The following DHX9 variants were observed in gnomAD, a reference collection of about 807,000 sequenced individuals.
DHX9 encodes ATP-dependent RNA helicase A.
Under a neutral mutation model 148.7 loss-of-function variants are expected in DHX9, and 27 were observed. The ratio of observed to expected loss-of-function variants is 0.18; its 90% CI spans 0.13 to 0.25. DHX9 has a LOEUF of 0.25. Among genes scored for constraint, DHX9 ranks in the 10% least tolerant of loss-of-function variants. DHX9 has a pLI of 1.00. For missense variants in DHX9, 796 were observed against 1,559.6 expected, an observed-to-expected ratio of 0.51 and a Z score of 8.25; for synonymous variants, 529 against 516.6, an observed-to-expected ratio of 1.02 and a Z score of -0.33.
intron 27 of DHX9, among the ~76,000 whole-genome samples, 163 bp from the exon 28 acceptor site, chr1:182,886,920 A>G (rs572886400): frequency 6.6e-6 from 1 of 152,320 alleles, no homozygotes; most frequent in South Asian, 2.1e-4. Flanking sequence ...ACAATTGATG[A>G]CTGTTTTAGA....
chr1:182,884,413 A>T (rs980509065), intron 26 of DHX9, among the ~76,000 whole-genome samples, 200 bp from the exon 27 acceptor site: 1 of 152,150 alleles, frequency 6.6e-6, no homozygotes, highest in African/African-American at 2.4e-5. Flanking sequence ...AGTGAATTTT[A>T]AGAAGCTAGT....
intron 12 of DHX9, among the ~76,000 whole-genome samples, chr1:182,865,742 C>T (rs181211699): frequency 1.3e-3 from 202 of 152,260 alleles, no homozygotes; most frequent in African/African-American, 4.4e-3. Context: ...TATAAATCTT[C>T]GTGTACCTCT....
Position 182,883,373 on chromosome 1 carries a change from G to A in DHX9, c.3144+5G>A. ...TTCTTTGTATTTGGTGAAAAGGTAA[G>A]AAAAGACTAGAAAAGTTTACATTGA... is the stretch of plus-strand genomic sequence containing the variant. On this transcript the variant is annotated splice_donor_5th_base_variant and intron_variant, in intron 25 of 27. Transcript: ENST00000367549. 1.2e-6 allele frequency: 2 copies of A among 1,607,348 alleles called. No homozygotes were observed. Among genetic ancestry groups the A allele is most frequent in the Non-Finnish European group, 1.7e-6 (2 of 1,174,696 alleles).
rs967297798 is a variant in DHX9 at position 182,859,540 on chromosome 1, T to C, written c.1140+423T>C. ...TAGAGATATAAATATACACATTCTTTTTTGAAAAAAACATTTTCATCACTA... is the reference window on the plus strand; with the variant it reads ...TAGAGATATAAATATACACATTCTTCTTTGAAAAAAACATTTTCATCACTA... On this transcript the variant is annotated intron_variant, in intron 11 of 27. Coordinates refer to ENST00000367549, the MANE Select transcript of DHX9 (RefSeq NM_001357.5). 1.2e-4 allele frequency among the ~76,000 whole-genome samples: 18 copies of C among 152,282 alleles called. No homozygotes were observed. In the East Asian group the frequency reaches 2.1e-3, roughly 18 times the overall value.
At chr1:182,875,270 AG>A in intron 16 of DHX9, 1 of 449,754 alleles carries the variant, frequency 2.2e-6, no homozygotes, top group Non-Finnish European at 4.5e-6. Flanking sequence ...AAAGTTTTTC[AG>A]TAGGCTGCAG....
intron 7 of DHX9, among the ~76,000 whole-genome samples, chr1:182,856,861 G>T (rs1181345671): frequency 2.6e-5 from 4 of 152,024 alleles, no homozygotes; most frequent in African/African-American, 9.7e-5. Context: ...AACCTTTTTT[G>T]TTTTTTGAGA....
chr1:182,872,212 C>A, intron 14 of DHX9, 125 bp from the exon 15 acceptor site: 1 of 735,092 alleles, frequency 1.4e-6, no homozygotes, highest in Non-Finnish European at 2.2e-6. Flanking sequence ...TTTATCTTGG[C>A]ACTTCTGTGA....
At chr1:182,840,416 C>G (rs768182344) in intron 1 of DHX9, among the ~76,000 whole-genome samples, 15 of 151,206 alleles carry the variant, frequency 9.9e-5, no homozygotes, top group Admixed American at 2.0e-4. Context: ...TCTCCTGCCT[C>G]AGCCTCCGGA....
At position 182,884,786 on chromosome 1, in the gene DHX9, G is replaced by T; in HGVS notation, c.3434G>T (p.Gly1145Val). ...CAGATCTCTAGACCCTCAGCTGCTG[G>T]TATCAACCTTATGATTGGCAGTACA... ...IRQISRPSAA[G>V]INLMIGSTRY... The change falls in exon 27 of 28, where the codon GGT becomes GTT. Residue 1145 changes from glycine to valine, a missense_variant. Around this residue, in one of 14 missense-constraint regions of DHX9, gnomAD observed 86 missense variants for 156.3 expected, o/e 0.55. Transcript: ENST00000367549. 6.2e-7 allele frequency: 1 copy of T among 1,614,038 alleles called. No individual in the cohort carries two copies. The highest frequency in any genetic ancestry group is 8.5e-7 in the Non-Finnish European group (1 of 1,180,030).
intron 9 of DHX9, 41 bp from the exon 10 acceptor site, chr1:182,858,688 ACAAG>A (rs1668300262): frequency 6.2e-7 from 1 of 1,612,702 alleles, no homozygotes; most frequent in Non-Finnish European, 8.5e-7. Context: ...CTCTCCGTAG[ACAAG>A]CAAATCATAT....
At position 182,841,533 on chromosome 1, in the gene DHX9, C is replaced by T. The variant is rs182676177; in HGVS notation, c.-22-1012C>T. On this transcript the variant is annotated intron_variant, in intron 1 of 27. Transcript: ENST00000367549. Reference sequence around the variant, plus strand: ...GGCTTTTTTGTTAATAGGACATTCCCTTCGCCAAATGGATGACCAGAGTTA... The same window carrying T: ...GGCTTTTTTGTTAATAGGACATTCCTTTCGCCAAATGGATGACCAGAGTTA... 7.9e-5 allele frequency among the ~76,000 whole-genome samples: 12 copies of T among 152,298 alleles called. No individual in the cohort carries two copies. In the East Asian group the frequency reaches 2.3e-3, roughly 29 times the overall value.
intron 2 of DHX9, 52 bp from the exon 3 acceptor site, chr1:182,843,242 A>T: frequency 6.9e-7 from 1 of 1,439,408 alleles, no homozygotes; most frequent in Non-Finnish European, 9.1e-7. Flanking sequence ...GACTTTTTAA[A>T]ATCTCAGAAT....
intron 11 of DHX9, among the ~76,000 whole-genome samples, chr1:182,859,567 G>A (rs1668319282): frequency 6.6e-6 from 1 of 152,036 alleles, no homozygotes; most frequent in South Asian, 2.1e-4. Flanking sequence ...TCATCACTAA[G>A]CCAATGGAAA....
chr1:182,856,497 G>A (rs372355326), intron 6 of DHX9, 35 bp from the exon 7 acceptor site: 93 of 1,606,044 alleles, frequency 5.8e-5, no homozygotes, highest in Admixed American at 1.5e-4. Flanking sequence ...TTCTAACAGT[G>A]AAATTTCTAA....
intron 3 of DHX9, among the ~76,000 whole-genome samples, chr1:182,848,849 A>G (rs1373237096): frequency 6.6e-6 from 1 of 152,218 alleles, no homozygotes; most frequent in East Asian, 1.9e-4. Context: ...TGTCCTACAT[A>G]GCAGGAGCAA....
intron 1 of DHX9, among the ~76,000 whole-genome samples, chr1:182,841,229 T>A (rs774747957): frequency 2.0e-5 from 3 of 151,834 alleles, no homozygotes; most frequent in Non-Finnish European, 4.4e-5. Flanking sequence ...AGGCGGAGGT[T>A]GCAGTGAGCC....
At chr1:182,877,969 AGTTATTGATAATACACATGAGTCT>A (rs761249103) in intron 19 of DHX9, 28 bp from the exon 20 acceptor site, 23 of 1,597,142 alleles carry the variant, frequency 1.4e-5, no homozygotes, top group Non-Finnish European at 2.0e-5. Context: ...GATATATAAT[AGTTATTGATAATACACATGAGTCT>A]TAGAATTAAC....
chr1:182,854,464 A>G (rs1258882218), intron 6 of DHX9, among the ~76,000 whole-genome samples: 2 of 152,236 alleles, frequency 1.3e-5, no homozygotes, highest in African/African-American at 4.8e-5. Flanking sequence ...TCATGACCAC[A>G]ATTGCTGGTT....
At chr1:182,870,398 A>T (rs918968484) in intron 14 of DHX9, among the ~76,000 whole-genome samples, 1 of 152,254 alleles carries the variant, frequency 6.6e-6, no homozygotes, top group Non-Finnish European at 1.5e-5. Context: ...TGGTTTACAG[A>T]TAACAAGACT....
Sources: gnomAD v4.1 joint callset for allele counts (sites outside exome capture counted in the v4.1 genomes callset) on GRCh38, gnomAD v4.1.1 for gene constraint, gnomAD v4.1.1 regional missense constraint, MANE v1.5 for transcripts, NCBI Gene and HGNC (gene_info 2026-07-23, HGNC 2026-07-21) for gene names.